The following SND1 variants were observed in gnomAD, a reference collection of about 807,000 sequenced individuals.
The protein encoded by SND1 is staphylococcal nuclease domain-containing protein 1.
Under a neutral mutation model 121.7 loss-of-function variants are expected in SND1, and 38 were observed. That is an observed-to-expected ratio of 0.31 (90% CI 0.24 to 0.41). SND1 has a LOEUF of 0.41. SND1 is among the 10% of genes least tolerant of loss of function. The pLI is 1.00. For synonymous variants in SND1, 401 were observed against 447.4 expected, an observed-to-expected ratio of 0.90 and a Z score of 1.31; for missense variants, 868 against 1,184.6, an observed-to-expected ratio of 0.73 and a Z score of 3.92.
chr7:127,728,247 A>G (rs1562992862), intron 10 of SND1, among the ~76,000 whole-genome samples: 1 of 149,430 alleles, frequency 6.7e-6, no homozygotes, highest in Admixed American at 6.6e-5. Flanking sequence ...TGGGATTTTA[A>G]CAATCTCCTA....
intron 14 of SND1, among the ~76,000 whole-genome samples, chr7:127,908,267 T>G (rs1481504970): frequency 6.6e-6 from 1 of 151,510 alleles, no homozygotes; most frequent in Non-Finnish European, 1.5e-5. Flanking sequence ...AACTTGGTCT[T>G]GTAGTCAGTG....
At chr7:127,992,851 C>T in intron 16 of SND1, among the ~76,000 whole-genome samples, 1 of 152,168 alleles carries the variant, frequency 6.6e-6, no homozygotes, top group East Asian at 1.9e-4. Context: ...TTATTGCGAC[C>T]TTACCTTTGT....
At chr7:128,016,147 T>C (rs1040428590) in intron 16 of SND1, among the ~76,000 whole-genome samples, 17 of 141,850 alleles carry the variant, frequency 1.2e-4, no homozygotes, top group African/African-American at 2.0e-4. Flanking sequence ...ACAACTTCCT[T>C]TTTTTTTTTT....
At chr7:127,945,406 G>C (rs1801306949) in intron 15 of SND1, among the ~76,000 whole-genome samples, 1 of 152,074 alleles carries the variant, frequency 6.6e-6, no homozygotes, top group Non-Finnish European at 1.5e-5. Context: ...CAGGAGAATG[G>C]CGTGAACCCA....
intron 11 of SND1, among the ~76,000 whole-genome samples, chr7:127,839,361 C>A (rs2116638674): frequency 6.6e-6 from 1 of 152,234 alleles, no homozygotes; most frequent in Middle Eastern, 3.4e-3. Flanking sequence ...TGCCCCAAAG[C>A]CTTACGTAAC....
rs191270643 is a variant in SND1 at position 128,006,153 on chromosome 7, A to G, written c.1779+15097A>G. Among the ~76,000 whole-genome samples the G allele has an allele frequency of 2.0e-5, 3 of 152,226 alleles. No homozygotes were observed. The East Asian group carries it at 5.8e-4, about 29-fold the overall frequency. On this transcript the variant is annotated intron_variant, in intron 16 of 23. Transcript: ENST00000354725. ...TGTTCTTGTTCTTAGAGGGTTCTGT[A>G]TCCACCAGGAATGTAGAGTGGAGAC... is the stretch of plus-strand genomic sequence containing the variant.
rs754644779 is a variant in SND1 at position 127,696,266 on chromosome 7, T to TTAAC, written c.349+1319_349+1320insAACT. Among the ~76,000 whole-genome samples the TTAAC allele has an allele frequency of 7.5e-4, 114 of 152,108 alleles. 3 individuals are homozygous for TTAAC. Among genetic ancestry groups the TTAAC allele is most frequent in the Non-Finnish European group, 1.6e-4 (11 of 68,024 alleles). On this transcript the variant is annotated intron_variant, in intron 3 of 23. Transcript: ENST00000354725. ...ATGATAGAGGTCTCAGAAAAATGAGTTGAGAATGACCTTTGAGGCATCTTG... is the reference window on the plus strand; with the variant it reads ...ATGATAGAGGTCTCAGAAAAATGAGTTAACTGAGAATGACCTTTGAGGCATCTTG...
chr7:127,707,764 G>GGTGTGT, intron 9 of SND1, 117 bp downstream of exon 9: 3 of 558,156 alleles, frequency 5.4e-6, no homozygotes, highest in Non-Finnish European at 6.2e-6. Flanking sequence ...CAAGCCAGTA[G>GGTGTGT]GAGTGTGTGT....
chr7:127,752,935 T>G (rs2116460057), intron 10 of SND1, among the ~76,000 whole-genome samples: 1 of 152,356 alleles, frequency 6.6e-6, no homozygotes, highest in Middle Eastern at 3.4e-3. Context: ...TTATACTAAT[T>G]CTGCCTCCTT....
chr7:127,786,917 C>G (rs1208919040), intron 10 of SND1, among the ~76,000 whole-genome samples: 1 of 152,220 alleles, frequency 6.6e-6, no homozygotes, highest in Non-Finnish European at 1.5e-5. Context: ...GCTGGGATTA[C>G]AGGCGTGAGC....
chr7:127,853,132 T>G (rs1196649929), intron 12 of SND1, among the ~76,000 whole-genome samples: 5 of 152,092 alleles, frequency 3.3e-5, no homozygotes, highest in Non-Finnish European at 7.4e-5. Flanking sequence ...AAGCAAATTA[T>G]AGACCCCACT....
intron 10 of SND1, among the ~76,000 whole-genome samples, chr7:127,781,810 C>T (rs911492520): frequency 2.0e-5 from 3 of 152,142 alleles, no homozygotes; most frequent in African/African-American, 7.2e-5. Context: ...TGTTCCAAAG[C>T]ATGTTCAGAT....
intron 10 of SND1, among the ~76,000 whole-genome samples, chr7:127,766,591 T>C (rs1437414140): frequency 1.4e-4 from 21 of 151,690 alleles, no homozygotes; most frequent in South Asian, 8.4e-4. Context: ...CTGGCCAACG[T>C]GGTGAAACCC....
chr7:127,805,156 C>T (rs970060901), intron 10 of SND1, among the ~76,000 whole-genome samples: 2 of 152,178 alleles, frequency 1.3e-5, no homozygotes, highest in African/African-American at 4.8e-5. Flanking sequence ...ACATCTGTCC[C>T]TTGTGTTAAC....
chr7:127,770,844 G>A (rs949705235), intron 10 of SND1, among the ~76,000 whole-genome samples: 2 of 152,098 alleles, frequency 1.3e-5, no homozygotes, highest in Admixed American at 1.3e-4. Flanking sequence ...CATAAAATGC[G>A]GTAGTCCCTT....
intron 9 of SND1, among the ~76,000 whole-genome samples, chr7:127,719,549 C>T (rs923817448): frequency 6.6e-6 from 1 of 152,108 alleles, no homozygotes; most frequent in Non-Finnish European, 1.5e-5. Flanking sequence ...TGGGTTCTGG[C>T]TCTCTGGGTT....
At chr7:127,904,890 A>C in intron 14 of SND1, 71 bp downstream of exon 14, 1 of 970,342 alleles carries the variant, frequency 1.0e-6, no homozygotes, top group Non-Finnish European at 1.7e-6. Context: ...TTGCTGAAGG[A>C]CTTCAGCTTA....
chr7:127,733,266 TGAG>T (rs529330542), intron 10 of SND1, among the ~76,000 whole-genome samples: 267 of 152,344 alleles, frequency 1.8e-3, no homozygotes, highest in African/African-American at 6.1e-3. Context: ...CATGGATAAT[TGAG>T]GGATGGAAAG....
At chr7:128,053,886 G>A (rs1452431949) in intron 16 of SND1, among the ~76,000 whole-genome samples, 3 of 152,234 alleles carry the variant, frequency 2.0e-5, no homozygotes, top group African/African-American at 4.8e-5. Flanking sequence ...GCTTTTCCCC[G>A]ACCCCAGGCC....
Sources: gnomAD v4.1 joint callset for allele counts (sites outside exome capture counted in the v4.1 genomes callset) on GRCh38, gnomAD v4.1.1 for gene constraint, MANE v1.5 for transcripts, NCBI Gene and HGNC (gene_info 2026-07-23, HGNC 2026-07-21) for gene names.